Variants in PPP2R5E observed in about 807,000 individuals in gnomAD.
The protein encoded by PPP2R5E is serine/threonine-protein phosphatase 2A 56 kDa regulatory subunit epsilon isoform.
PPP2R5E carries 4 observed loss-of-function variants against 65.3 expected under a neutral mutation model. The observed-to-expected ratio is 0.06, with a 90% CI of 0.03 to 0.14. The LOEUF is 0.14. Ranked by LOEUF, PPP2R5E falls within the 10% of genes least tolerant of loss-of-function variation. PPP2R5E has a pLI of 1.00. For missense variants in PPP2R5E, 274 were observed against 556.1 expected (o/e 0.49, Z 5.10); for synonymous variants, 183 against 187.4 (o/e 0.98, Z 0.19).
intron 2 of PPP2R5E, among the ~76,000 whole-genome samples, chr14:63,501,664 T>C (rs976287739): frequency 6.6e-6 from 1 of 152,152 alleles, no homozygotes; most frequent in East Asian, 1.9e-4. Context: ...TCTGTGAACA[T>C]ACTAAAAACT....
intron 5 of PPP2R5E, among the ~76,000 whole-genome samples, chr14:63,407,566 A>T (rs1445456296): frequency 6.6e-6 from 1 of 152,122 alleles, no homozygotes; most frequent in Non-Finnish European, 1.5e-5. Flanking sequence ...TTTATATAAA[A>T]AATAGAGATA....
chr14:63,541,297 A>G (rs1466107384), intron 1 of PPP2R5E, among the ~76,000 whole-genome samples: 1 of 152,240 alleles, frequency 6.6e-6, no homozygotes, highest in Non-Finnish European at 1.5e-5. Flanking sequence ...ATCAAGCACC[A>G]AAGTTGAACT....
At chr14:63,422,806 T>C (rs939798401) in intron 3 of PPP2R5E, among the ~76,000 whole-genome samples, 1 of 151,694 alleles carries the variant, frequency 6.6e-6, no homozygotes, top group Non-Finnish European at 1.5e-5. Context: ...TATTCACTAT[T>C]TGCAAACTTA....
intron 2 of PPP2R5E, among the ~76,000 whole-genome samples, chr14:63,512,761 G>A (rs1425999215): frequency 2.0e-5 from 3 of 152,012 alleles, no homozygotes; most frequent in African/African-American, 7.2e-5. Context: ...GTCACATACT[G>A]TAATTTTGAA....
rs1461588418 is a variant in PPP2R5E, at chr14:63,415,209, T to C, written c.480A>G (p.Arg160=). ...HLQLVYEFFI[R]FLESQEFQPS... is the part of the protein sequence containing the mutation. Reference sequence around the variant, plus strand: ...GTTGGAATTCTTGGCTTTCCAAAAATCGTATGAAAAATTCATATACAAGCT... The same window carrying C: ...GTTGGAATTCTTGGCTTTCCAAAAACCGTATGAAAAATTCATATACAAGCT... Residue 160 remains arginine (R), a synonymous_variant, in exon 5 of 14, where the codon CGA becomes CGG. Transcript: ENST00000337537. 6.2e-7 allele frequency: 1 copy of C among 1,603,488 alleles called. No homozygotes were observed. The highest frequency in any genetic ancestry group is 8.5e-7 in the Non-Finnish European group (1 of 1,171,322).
intron 2 of PPP2R5E, among the ~76,000 whole-genome samples, chr14:63,500,021 T>C (rs970865296): frequency 2.6e-5 from 4 of 152,234 alleles, no homozygotes; most frequent in Non-Finnish European, 4.4e-5. Flanking sequence ...TGTGTAACTA[T>C]TGTAAACAGG....
intron 2 of PPP2R5E, among the ~76,000 whole-genome samples, chr14:63,512,064 G>C (rs1486389712): frequency 1.6e-5 from 2 of 127,072 alleles, no homozygotes; most frequent in Non-Finnish European, 3.1e-5. Flanking sequence ...GGACGACAGA[G>C]CGAGACTCTG....
At chr14:63,389,959 A>G (rs1884913783) in intron 10 of PPP2R5E, among the ~76,000 whole-genome samples, 1 of 152,158 alleles carries the variant, frequency 6.6e-6, no homozygotes, top group South Asian at 2.1e-4. Flanking sequence ...TCTACTTGGT[A>G]TATATATTAC....
intron 2 of PPP2R5E, among the ~76,000 whole-genome samples, chr14:63,481,300 C>T (rs1890685659): frequency 6.6e-6 from 1 of 151,918 alleles, no homozygotes; most frequent in Admixed American, 6.6e-5. Context: ...AGTTCGAGAC[C>T]AGCTGGCCAA....
intron 5 of PPP2R5E, among the ~76,000 whole-genome samples, chr14:63,411,943 G>A (rs1043433053): frequency 6.6e-6 from 1 of 152,090 alleles, no homozygotes; most frequent in Non-Finnish European, 1.5e-5. Flanking sequence ...GGCTTTTAGC[G>A]TACCCATATA....
At chr14:63,463,018 C>CA (rs1203796366) in intron 2 of PPP2R5E, among the ~76,000 whole-genome samples, 2 of 147,872 alleles carry the variant, frequency 1.4e-5, no homozygotes, top group African/African-American at 2.5e-5. Context: ...AGGAGAATCG[C>CA]TGGAACCTGG....
chr14:63,507,237 T>C (rs1312456062), intron 2 of PPP2R5E, among the ~76,000 whole-genome samples: 5 of 152,168 alleles, frequency 3.3e-5, no homozygotes, highest in Non-Finnish European at 7.3e-5. Flanking sequence ...AGAAAGGATA[T>C]GGGGCCTTAA....
At chr14:63,442,274 A>G (rs368037465) in intron 3 of PPP2R5E, among the ~76,000 whole-genome samples, 1 of 152,084 alleles carries the variant, frequency 6.6e-6, no homozygotes, top group African/African-American at 2.4e-5. Context: ...CGCTTATCCT[A>G]TCCTTCAAAT....
chr14:63,538,672 C>T (rs141926124), intron 2 of PPP2R5E, among the ~76,000 whole-genome samples: 2,172 of 151,750 alleles, frequency 0.014, 23 homozygotes, highest in Admixed American at 0.044. Flanking sequence ...AGGCCAGGCA[C>T]GGTGGCTCAC....
chr14:63,459,859 CTT>C (rs1341985937), intron 2 of PPP2R5E, among the ~76,000 whole-genome samples: 1 of 152,142 alleles, frequency 6.6e-6, no homozygotes, highest in Admixed American at 6.5e-5. Context: ...GCAGTGAAAA[CTT>C]TTAGTTTCCA....
Position 63,372,493 on chromosome 14 carries a change from T to C in PPP2R5E, c.*3516A>G, listed in dbSNP as rs1883740497. ...GGTGACTGTCACTTTATGATAACAT[T>C]GGTAATAGCATCAAAAGAGAATCTC... On this transcript the variant is annotated 3_prime_UTR_variant, in exon 14 of 14. Transcript: ENST00000337537. 1 of 152,050 alleles carries C rather than the reference T, an allele frequency of 6.6e-6. No homozygotes were observed. Among genetic ancestry groups the C allele is most frequent in the South Asian group, 2.1e-4 (1 of 4,816 alleles). 9.4% of individuals were successfully genotyped at this position (152,050 alleles called of 1,614,324 possible).
At chr14:63,424,546 T>G (rs1013344001) in intron 3 of PPP2R5E, among the ~76,000 whole-genome samples, 1 of 151,936 alleles carries the variant, frequency 6.6e-6, no homozygotes, top group African/African-American at 2.4e-5. Flanking sequence ...GGTTAGGAGA[T>G]TGAGACCATC....
intron 3 of PPP2R5E, among the ~76,000 whole-genome samples, chr14:63,430,421 GCATA>G (rs1173499980): frequency 6.9e-6 from 1 of 144,074 alleles, no homozygotes; most frequent in Non-Finnish European, 1.5e-5. Flanking sequence ...ATACATACAT[GCATA>G]CATACATATT....
chr14:63,376,053 C>T lies in PPP2R5E; in HGVS notation c.1360G>A (p.Glu454Lys). The change falls in exon 14 of 14, where the codon GAG (glutamate) becomes AAG (lysine). Residue 454 changes from glutamate (E) to lysine (K), a missense_variant. Glu to Lys is a moderately conservative substitution (Grantham distance 56). Coordinates refer to ENST00000337537, the MANE Select transcript of PPP2R5E (RefSeq NM_006246.5). ...EELWKKLEDL[E>K]LKRGLRRDGI... ...TCACGTCTAAGACCTCTCTTTAACT[C>T]CAGATCCTCCAATTTTTTCCACAAT... The T allele has an allele frequency of 1.2e-6, 2 of 1,610,038 alleles. No homozygotes were observed. The highest frequency in any genetic ancestry group is 1.7e-6 in the Non-Finnish European group (2 of 1,176,484).
Sources: allele counts gnomAD v4.1 joint callset (sites outside exome capture counted in the v4.1 genomes callset), GRCh38; gene constraint gnomAD v4.1.1; transcripts MANE v1.5; gene names NCBI Gene and HGNC (gene_info 2026-07-23, HGNC 2026-07-21).